The following MCF2L variants were observed in gnomAD, a reference collection of about 807,000 sequenced individuals.
MCF2L encodes the protein guanine nucleotide exchange factor DBS.
Under a neutral mutation model 153.4 loss-of-function variants are expected in MCF2L, and 97 were observed. The observed-to-expected ratio is 0.63, with a 90% confidence interval of 0.54 to 0.75. MCF2L has a LOEUF of 0.75. Among genes scored for constraint, MCF2L ranks in the 30% least tolerant of loss-of-function variants. The pLI is 0.00. For synonymous variants in MCF2L, 659 were observed against 632.2 expected, an observed-to-expected ratio of 1.04 and a Z score of -0.64; for missense variants, 1,347 against 1,495.2, an observed-to-expected ratio of 0.90 and a Z score of 1.64.
chr13:113,025,921 T>C (rs796593258), intron 3 of MCF2L, among the ~76,000 whole-genome samples: 672 of 30,918 alleles, frequency 0.022, 30 homozygotes, highest in South Asian at 0.044. Flanking sequence ...TCCCCGTGAC[T>C]GTGGGTCGGG....
chr13:112,960,942 G>A lies in MCF2L; in HGVS notation c.170-53821G>A, dbSNP rs907199545. On this transcript the variant is annotated intron_variant, in intron 2 of 29. Transcript: ENST00000375608. This position sits in a 1 kb window ranked among gnomAD's most constrained non-coding sequence, Gnocchi z 4.2. Reference sequence around the variant, plus strand: ...CAGGTTCTACCGTGAGTGACTGCAGGCCGTGCCGCAGCTCAAGTGGGGGCC... The same window carrying A: ...CAGGTTCTACCGTGAGTGACTGCAGACCGTGCCGCAGCTCAAGTGGGGGCC... 6.6e-6 allele frequency among the ~76,000 whole-genome samples: 1 copy of A among 152,150 alleles called. No homozygotes were observed. Among genetic ancestry groups the A allele is most frequent in the African/African-American group, 2.4e-5 (1 of 41,438 alleles).
chr13:113,097,215 G>A lies in MCF2L; in HGVS notation c.*356G>A. 1 of 226,306 alleles carries A rather than the reference G, an allele frequency of 4.4e-6. No individual in the cohort carries two copies. Among genetic ancestry groups the A allele is most frequent in the Non-Finnish European group, 8.6e-6 (1 of 116,196 alleles). 14.0% of individuals were successfully genotyped at this position (226,306 alleles called of 1,614,324 possible). A position where few individuals can be genotyped will look rare whatever the true frequency, so the allele number is the denominator to read the frequency against. On this transcript the variant is annotated 3_prime_UTR_variant, in exon 30 of 30. Coordinates refer to ENST00000535094, the MANE Select transcript of MCF2L (RefSeq NM_001112732.3). ...TGGAGCTGCTTCCGGAGAAGTGGAG[G>A]ATCCTCTGGCCAACGGCCTGAGGAG...
Position 113,074,127 on chromosome 13 carries a change from C to T in MCF2L, c.997-317C>T, listed in dbSNP as rs918949375. ...TCGGCTCCCAGGGCCTTTGTCCTTGCGTGATCTCATCTTCTCCTCATGCTG... is the reference window on the plus strand; with the variant it reads ...TCGGCTCCCAGGGCCTTTGTCCTTGTGTGATCTCATCTTCTCCTCATGCTG... On this transcript the variant is annotated intron_variant, in intron 9 of 29. Transcript: ENST00000535094. The surrounding 1 kb of genome is among the most constrained non-coding windows in gnomAD (Gnocchi z 4.2). Among the ~76,000 whole-genome samples, 4 of 152,104 alleles carry T rather than the reference C, an allele frequency of 2.6e-5. No individual in the cohort carries two copies. Among genetic ancestry groups the T allele is most frequent in the Non-Finnish European group, 4.4e-5 (3 of 68,020 alleles).
At chr13:113,014,694 T>TC in intron 1 of MCF2L, 69 bp from the exon 2 acceptor site, 1 of 1,325,780 alleles carries the variant, frequency 7.5e-7, no homozygotes, top group Non-Finnish European at 1.1e-6. Context: ...CCGTGTGGGA[T>TC]CGGGTGGGCG....
chr13:112,973,702 G>T (rs997236868), intron 1 of MCF2L, among the ~76,000 whole-genome samples: 23 of 152,220 alleles, frequency 1.5e-4, no homozygotes, highest in African/African-American at 5.3e-4. Context: ...GGGGGTTTCA[G>T]TTCCGGCCTG....
At chr13:113,049,272 G>A (rs1229892993) in intron 4 of MCF2L, among the ~76,000 whole-genome samples, 5 of 151,930 alleles carry the variant, frequency 3.3e-5, no homozygotes, top group Non-Finnish European at 5.9e-5. Flanking sequence ...AAGGGAGTGA[G>A]GGCAGCTGTG....
At chr13:113,040,437 T>TGTGTGTGTGTGTGTG (rs10528245) in intron 3 of MCF2L, 19 of 142,984 alleles carry the variant, frequency 1.3e-4, no homozygotes, top group South Asian at 8.3e-4. Context: ...TGTGTGTGTG[T>TGTGTGTGTGTGTGTG]TTCTTTTCCT....
At position 113,055,369 on chromosome 13, in the gene MCF2L, A is replaced by ACCCCCCCCCCCCCCCCCCC. The variant is rs56189966; in HGVS notation, c.370-5213_370-5212insCCCCCCCCCCCCCCCCCCC. 2.2e-4 allele frequency among the ~76,000 whole-genome samples: 2 copies of ACCCCCCCCCCCCCCCCCCC among 8,944 alleles called. 1 individual carries two copies. Among genetic ancestry groups the ACCCCCCCCCCCCCCCCCCC allele is most frequent in the Non-Finnish European group, 4.5e-4 (2 of 4,408 alleles). The allele number at this position is 8,944 out of a possible 152,430, so 5.9% of individuals were successfully genotyped here. A position where few individuals can be genotyped will look rare whatever the true frequency, so the allele number is the denominator to read the frequency against. ...ATAGTTGCACCTGCTGGAGACGTGG[A>ACCCCCCCCCCCCCCCCCCC]CCCCCCCCCCCGCCACACACACACA... On this transcript the variant is annotated intron_variant, in intron 4 of 29. Transcript: ENST00000535094.
intron 2 of MCF2L, among the ~76,000 whole-genome samples, chr13:112,952,499 C>T (rs1482504662): frequency 6.6e-6 from 1 of 152,234 alleles, no homozygotes; most frequent in African/African-American, 2.4e-5. Context: ...GGGTCTCCCA[C>T]AGACCAGTCA....
Position 112,902,155 on chromosome 13 carries a change from C to T in MCF2L, c.-4-44C>T, listed in dbSNP as rs557789087. On this transcript the variant is annotated intron_variant, in intron 1 of 29. Coordinates refer to the MCF2L transcript ENST00000375608. ...TCAGAGCAACAGTTCTTAAGTCTTT[C>T]TGCAGCATGACCTCATCGTGCTTTT... 791 of 1,528,786 alleles carry T rather than the reference C, an allele frequency of 5.2e-4. 11 individuals are homozygous for T. In the South Asian group the frequency reaches 8.1e-3, roughly 16 times the overall value. The allele number at this position is 1,528,786 out of a possible 1,614,324, so 94.7% of individuals were successfully genotyped here.
At chr13:113,016,349 A>T (rs548352509) in intron 2 of MCF2L, among the ~76,000 whole-genome samples, 1 of 152,216 alleles carries the variant, frequency 6.6e-6, no homozygotes, top group African/African-American at 2.4e-5. Context: ...CCAGGACAAG[A>T]GCCGCCCCAC....
At position 112,980,225 on chromosome 13, in the gene MCF2L, C is replaced by T. The variant is rs948639217; in HGVS notation, c.79+10767C>T. ...GCCATTCAGGAACAGCACGTTTGCT[C>T]GGCCTGATGGAACAGCCTAAACTCT... On this transcript the variant is annotated intron_variant, in intron 1 of 29. Coordinates refer to ENST00000535094, the MANE Select transcript of MCF2L (RefSeq NM_001112732.3). 6.6e-5 allele frequency among the ~76,000 whole-genome samples: 10 copies of T among 152,366 alleles called. No homozygotes were observed. The East Asian group carries it at 1.3e-3, about 21-fold the overall frequency.
intron 2 of MCF2L, among the ~76,000 whole-genome samples, chr13:113,018,998 C>A (rs1385752006): frequency 1.3e-5 from 2 of 152,220 alleles, no homozygotes; most frequent in Non-Finnish European, 2.9e-5. Context: ...GGAGACAGGG[C>A]AGACTTAGGA....
Position 112,951,662 on chromosome 13 carries a change from A to T in MCF2L, c.169+49291A>T, listed in dbSNP as rs760187072. ...GTTCAGTGGTTGTGGGGGGTCCACGAGGGGTGATCTGGGAGGAACATGGGT... is the reference window on the plus strand; with the variant it reads ...GTTCAGTGGTTGTGGGGGGTCCACGTGGGGTGATCTGGGAGGAACATGGGT... On this transcript the variant is annotated intron_variant, in intron 2 of 29. Coordinates refer to the MCF2L transcript ENST00000375608. The surrounding 1 kb of genome is among the most constrained non-coding windows in gnomAD (Gnocchi z 4.8). Among the ~76,000 whole-genome samples, 4 of 152,110 alleles carry T rather than the reference A, an allele frequency of 2.6e-5. No homozygotes were observed. The highest frequency in any genetic ancestry group is 5.9e-5 in the Non-Finnish European group (4 of 67,998).
Position 113,098,194 on chromosome 13 carries a change from G to C in MCF2L, c.*1335G>C, listed in dbSNP as rs112245984. On this transcript the variant is annotated 3_prime_UTR_variant, in exon 30 of 30. Coordinates refer to ENST00000535094, the MANE Select transcript of MCF2L (RefSeq NM_001112732.3). ...CAGCCCCAGCACAGTGGAGGCAGGC[G>C]TGGCTGCATTCCCCTCACGCTACCC... 6.6e-6 allele frequency: 1 copy of C among 152,552 alleles called. No individual in the cohort carries two copies. Among genetic ancestry groups the C allele is most frequent in the Non-Finnish European group, 1.5e-5 (1 of 68,054 alleles). The allele number at this position is 152,552 out of a possible 1,614,324, so 9.4% of individuals were successfully genotyped here.
intron 25 of MCF2L, 143 bp from the exon 26 acceptor site, chr13:113,089,467 A>G (rs2034986325): frequency 1.5e-6 from 1 of 658,456 alleles, no homozygotes; most frequent in Non-Finnish European, 2.7e-6. Flanking sequence ...GTCCGGGTTT[A>G]ACTTAGAAAC....
chr13:113,031,434 G>T lies in MCF2L; in HGVS notation c.278+6676G>T. On this transcript the variant is annotated intron_variant, in intron 3 of 29. Coordinates refer to ENST00000535094, the MANE Select transcript of MCF2L (RefSeq NM_001112732.3). The surrounding 1 kb of genome is among the most constrained non-coding windows in gnomAD (Gnocchi z 5.5). ...TTGGGGGCAGCGAACGCACCAGGGG[G>T]CAGGACAGAGTGCCGGGGAGTCGGG... is the stretch of plus-strand genomic sequence containing the variant. Among the ~76,000 whole-genome samples, 1 of 152,206 alleles carries T rather than the reference G, an allele frequency of 6.6e-6. No individual in the cohort carries two copies. Among genetic ancestry groups the T allele is most frequent in the Admixed American group, 6.5e-5 (1 of 15,284 alleles).
At position 113,096,297 on chromosome 13, in the gene MCF2L, T is replaced by C. The variant is rs2035648160; in HGVS notation, c.3076-74T>C. The C allele has an allele frequency of 2.5e-6, 3 of 1,210,534 alleles. No individual in the cohort carries two copies. In the South Asian group the frequency reaches 4.0e-5, roughly 16 times the overall value. 75.0% of individuals were successfully genotyped at this position (1,210,534 alleles called of 1,614,324 possible). ...GGGGCAGGGCGCTAAGGCCCGGCACTCCGCCTGGCTGCTGTGGGGCTGCTG... is the reference window on the plus strand; with the variant it reads ...GGGGCAGGGCGCTAAGGCCCGGCACCCCGCCTGGCTGCTGTGGGGCTGCTG... On this transcript the variant is annotated intron_variant, in intron 27 of 29. Coordinates refer to ENST00000535094, the MANE Select transcript of MCF2L (RefSeq NM_001112732.3).
At chr13:113,065,271 C>T (rs889266595) in intron 7 of MCF2L, 186 bp downstream of exon 7, 54 of 629,224 alleles carry the variant, frequency 8.6e-5, no homozygotes, top group Admixed American at 5.4e-4. Flanking sequence ...GCAACCTCTC[C>T]GACGAGAACG....
Sources: gnomAD v4.1 joint callset for allele counts (sites outside exome capture counted in the v4.1 genomes callset) on GRCh38, gnomAD v4.1.1 for gene constraint, Gnocchi (gnomAD v3.1) non-coding constraint, MANE v1.5 for transcripts, NCBI Gene and HGNC (gene_info 2026-07-23, HGNC 2026-07-21) for gene names.